Variants in DNAJC12 observed in about 807,000 individuals in gnomAD.
The protein encoded by DNAJC12 is dnaJ homolog subfamily C member 12.
In DNAJC12, 25 loss-of-function variants were observed where a neutral mutation model predicts 28.5. That is an observed-to-expected ratio of 0.88 (90% CI 0.64 to 1.22). The LOEUF is 1.22. Ranked by LOEUF, DNAJC12 falls within the 50% of genes most tolerant of loss-of-function variation. The probability of loss-of-function intolerance (pLI) is 0.00; values close to 1 mark genes in which losing one functional copy is unlikely to be tolerated. For missense variants in DNAJC12, 222 were observed against 231.7 expected (o/e 0.96, Z 0.27); for synonymous variants, 77 against 80.6 (o/e 0.95, Z 0.24).
At chr10:67,835,942 G>C (rs552486576) in intron 1 of DNAJC12, among the ~76,000 whole-genome samples, 25 of 152,156 alleles carry the variant, frequency 1.6e-4, no homozygotes, top group African/African-American at 2.9e-4. Flanking sequence ...TTTCTGTAAG[G>C]CTGTCCAAAA....
At chr10:67,799,275 T>C (rs183177564) in intron 4 of DNAJC12, among the ~76,000 whole-genome samples, 12 of 152,312 alleles carry the variant, frequency 7.9e-5, no homozygotes, top group Admixed American at 7.8e-4. Flanking sequence ...TAACAATGGT[T>C]ATCTCAGAAA....
At chr10:67,829,877 G>A (rs989775975) in intron 1 of DNAJC12, among the ~76,000 whole-genome samples, 19 of 151,938 alleles carry the variant, frequency 1.3e-4, no homozygotes, top group African/African-American at 4.6e-4. Flanking sequence ...ATATTTCTAT[G>A]AGAAAAGGTA....
At position 67,797,111 on chromosome 10, in the gene DNAJC12, A is replaced by G. The variant is rs1228068859; in HGVS notation, c.*5T>C. On this transcript the variant is annotated 3_prime_UTR_variant, in exon 5 of 5. Transcript: ENST00000225171. ...CTCTTCCTCATTTTTTGAAGCAGAGATATTTCATATTTCATAGTTTCTGAA... is the reference window on the plus strand; with the variant it reads ...CTCTTCCTCATTTTTTGAAGCAGAGGTATTTCATATTTCATAGTTTCTGAA... 6.2e-7 allele frequency: 1 copy of G among 1,610,778 alleles called. No individual in the cohort carries two copies.
chr10:67,827,999 C>T (rs1842054192), intron 1 of DNAJC12, among the ~76,000 whole-genome samples: 1 of 152,138 alleles, frequency 6.6e-6, no homozygotes, highest in Admixed American at 6.6e-5. Context: ...CTGCCAAGTG[C>T]AGTCCATTGG....
chr10:67,838,065 T>C lies in DNAJC12; in HGVS notation c.-54A>G. 1.6e-6 allele frequency: 2 copies of C among 1,223,570 alleles called. No individual in the cohort carries two copies. The highest frequency in any genetic ancestry group is 1.2e-6 in the Non-Finnish European group (1 of 843,260). The allele number at this position is 1,223,570 out of a possible 1,614,324, so 75.8% of individuals were successfully genotyped here. ...TCGGAAACAAGAGGCACAGTGAGCT[T>C]CGAATTAACAGGAAGAAACTCTTTA... is the stretch of plus-strand genomic sequence containing the variant. On this transcript the variant is annotated 5_prime_UTR_variant, in exon 1 of 5. Coordinates refer to ENST00000225171, the MANE Select transcript of DNAJC12 (RefSeq NM_021800.3).
chr10:67,815,802 A>G (rs1326280087), intron 2 of DNAJC12, among the ~76,000 whole-genome samples: 1 of 152,148 alleles, frequency 6.6e-6, no homozygotes, highest in Non-Finnish European at 1.5e-5. Context: ...TTTTCACATC[A>G]TTGTTGGCTT....
intron 1 of DNAJC12, among the ~76,000 whole-genome samples, chr10:67,832,625 T>C (rs902639615): frequency 1.3e-5 from 2 of 152,150 alleles, no homozygotes; most frequent in African/African-American, 4.8e-5. Flanking sequence ...TACTGTAGAA[T>C]ACTAATAAAT....
chr10:67,798,637 G>T (rs1841704726), intron 4 of DNAJC12, among the ~76,000 whole-genome samples: 2 of 151,936 alleles, frequency 1.3e-5, no homozygotes, highest in African/African-American at 4.8e-5. Context: ...AGCCGAGAGG[G>T]TGCCACTGCA....
chr10:67,826,700 T>A (rs12775853), intron 1 of DNAJC12, among the ~76,000 whole-genome samples: 62,438 of 101,648 alleles, frequency 0.61, 20,489 homozygotes, highest in Non-Finnish European at 0.68. Context: ...TGATATATAT[T>A]ATATATATCA....
At chr10:67,829,635 C>A (rs762997107) in intron 1 of DNAJC12, among the ~76,000 whole-genome samples, 2 of 151,686 alleles carry the variant, frequency 1.3e-5, no homozygotes, top group Non-Finnish European at 1.5e-5. Flanking sequence ...AGTGAGACTC[C>A]GTCTCAAAAA....
intron 2 of DNAJC12, among the ~76,000 whole-genome samples, chr10:67,815,534 A>C (rs976589264): frequency 6.7e-6 from 1 of 150,362 alleles, no homozygotes; most frequent in Non-Finnish European, 1.5e-5. Context: ...AAAAGAAAAG[A>C]AAAAAAAAGA....
At chr10:67,829,628 G>A (rs974422797) in intron 1 of DNAJC12, among the ~76,000 whole-genome samples, 3 of 151,912 alleles carry the variant, frequency 2.0e-5, no homozygotes, top group African/African-American at 7.3e-5. Context: ...GCGACAGAGT[G>A]AGACTCCGTC....
At chr10:67,837,174 A>G (rs2131819777) in intron 1 of DNAJC12, among the ~76,000 whole-genome samples, 1 of 152,156 alleles carries the variant, frequency 6.6e-6, no homozygotes, top group Non-Finnish European at 1.5e-5. Context: ...AGGAATCAAC[A>G]AGTACATATA....
At chr10:67,805,994 T>C (rs1018767066) in intron 3 of DNAJC12, among the ~76,000 whole-genome samples, 26 of 152,198 alleles carry the variant, frequency 1.7e-4, no homozygotes, top group African/African-American at 6.3e-4. Flanking sequence ...ATACACCCTT[T>C]TGTACCTTTT....
At chr10:67,826,055 TA>T (rs1301279813) in intron 1 of DNAJC12, among the ~76,000 whole-genome samples, 2 of 152,064 alleles carry the variant, frequency 1.3e-5, no homozygotes, top group Non-Finnish European at 2.9e-5. Flanking sequence ...AGAAAAAAAG[TA>T]AAAAAGTCAA....
intron 2 of DNAJC12, among the ~76,000 whole-genome samples, chr10:67,820,348 C>T (rs112711956): frequency 0.029 from 4,407 of 152,104 alleles, 81 homozygotes; most frequent in Middle Eastern, 0.044. Flanking sequence ...TAATGCAAAG[C>T]GAAAGAAGCT....
chr10:67,819,687 A>G (rs796920797), intron 2 of DNAJC12, among the ~76,000 whole-genome samples: 331 of 20,184 alleles, frequency 0.016, 19 homozygotes, highest in Middle Eastern at 0.042. Flanking sequence ...AGAAAGAAAG[A>G]AAGAAAGAAA....
intron 1 of DNAJC12, chr10:67,834,078 TA>T: frequency 2.2e-6 from 1 of 459,826 alleles, no homozygotes; most frequent in Non-Finnish European, 4.5e-6. Flanking sequence ...AAGGTCAAGC[TA>T]AAAAATGAAG....
chr10:67,833,717 G>A, intron 1 of DNAJC12: 1 of 400,278 alleles, frequency 2.5e-6, no homozygotes, highest in Non-Finnish European at 5.1e-6. Flanking sequence ...CTCTGGGCTG[G>A]GATGATCCAG....
Sources: gnomAD v4.1 joint callset for allele counts (sites outside exome capture counted in the v4.1 genomes callset) on GRCh38, gnomAD v4.1.1 for gene constraint, MANE v1.5 for transcripts, NCBI Gene and HGNC (gene_info 2026-07-23, HGNC 2026-07-21) for gene names.